LRP1B: variants seen among roughly 807,000 people sequenced by gnomAD.
LRP1B encodes the protein LDL receptor related protein 1B.
A neutral mutation model predicts 556.6 loss-of-function variants in LRP1B; 217 were observed. The observed-to-expected ratio is 0.39, with a 90% confidence interval of 0.35 to 0.44. The LOEUF (loss-of-function observed/expected upper bound fraction) is 0.44, where lower values mean the gene tolerates loss of function less well. Among genes scored for constraint, LRP1B ranks in the 20% least tolerant of loss-of-function variants. The pLI is 1.00. For synonymous variants in LRP1B, 2,047 were observed against 1,865.8 expected (o/e 1.10, Z -2.50); for missense variants, 5,053 against 5,620.8 (o/e 0.90, Z 3.23).
intron 35 of LRP1B, among the ~76,000 whole-genome samples, chr2:140,748,221 A>T (rs1266741049): frequency 1.6e-5 from 1 of 64,238 alleles, no homozygotes; most frequent in Non-Finnish European, 3.3e-5. Flanking sequence ...CTTATATATA[A>T]AAGTCAAATA....
chr2:141,473,039 CTTAG>C (rs5834833), intron 3 of LRP1B, among the ~76,000 whole-genome samples: 66,610 of 151,690 alleles, frequency 0.44, 14,912 homozygotes, highest in Non-Finnish European at 0.49. Context: ...GAGGTATTTA[CTTAG>C]TTAGCTAGCT....
intron 6 of LRP1B, among the ~76,000 whole-genome samples, chr2:141,195,076 C>T (rs1349050543): frequency 2.6e-5 from 4 of 152,080 alleles, no homozygotes; most frequent in African/African-American, 9.7e-5. Context: ...GTGGGCTGTT[C>T]TTTGTTCTTC....
At chr2:140,733,102 TA>T (rs1351411367) in intron 35 of LRP1B, among the ~76,000 whole-genome samples, 1 of 152,124 alleles carries the variant, frequency 6.6e-6, no homozygotes, top group Non-Finnish European at 1.5e-5. Flanking sequence ...GACAGACTAG[TA>T]GATAATTGGA....
intron 77 of LRP1B, among the ~76,000 whole-genome samples, chr2:140,337,980 C>G (rs1195557714): frequency 6.6e-6 from 1 of 151,292 alleles, no homozygotes; most frequent in East Asian, 2.0e-4. Context: ...TTCAAGTAAA[C>G]AGGCTGGTGA....
chr2:140,660,580 C>G (rs1480940694), intron 41 of LRP1B, among the ~76,000 whole-genome samples: 1 of 152,110 alleles, frequency 6.6e-6, no homozygotes, highest in Non-Finnish European at 1.5e-5. Context: ...CTGATCTGGA[C>G]CAGGACTTTC....
chr2:140,750,172 T>C (rs895922414), intron 35 of LRP1B, among the ~76,000 whole-genome samples: 5 of 152,158 alleles, frequency 3.3e-5, no homozygotes, highest in Admixed American at 2.0e-4. Flanking sequence ...AGTCCTTTTT[T>C]CATGTCCATC....
intron 1 of LRP1B, among the ~76,000 whole-genome samples, chr2:141,983,721 T>G (rs544145645): frequency 6.6e-6 from 1 of 152,272 alleles, no homozygotes; most frequent in Non-Finnish European, 1.5e-5. Context: ...TGGGGAAACC[T>G]ATTGAATATA....
intron 59 of LRP1B, among the ~76,000 whole-genome samples, chr2:140,482,542 C>A (rs944895447): frequency 2.0e-5 from 3 of 151,896 alleles, no homozygotes; most frequent in Non-Finnish European, 4.4e-5. Flanking sequence ...CCACACTACA[C>A]AAAATAACAA....
chr2:141,393,291 TATAAAACTC>T (rs1323824230), intron 3 of LRP1B, among the ~76,000 whole-genome samples: 1 of 152,060 alleles, frequency 6.6e-6, no homozygotes, highest in East Asian at 1.9e-4. Flanking sequence ...ATGAGGAGCT[TATAAAACTC>T]TAACAGCACC....
chr2:141,763,663 T>G (rs1433353495), intron 2 of LRP1B, among the ~76,000 whole-genome samples: 2 of 152,192 alleles, frequency 1.3e-5, no homozygotes, highest in Non-Finnish European at 2.9e-5. Flanking sequence ...AGAAAAATAG[T>G]GTTTTTATAA....
intron 2 of LRP1B, among the ~76,000 whole-genome samples, chr2:141,750,014 A>G (rs1694052771): frequency 6.6e-6 from 1 of 152,180 alleles, no homozygotes. Flanking sequence ...GGCAAACTAA[A>G]GACCAGTTTA....
intron 1 of LRP1B, among the ~76,000 whole-genome samples, chr2:141,881,507 G>T (rs1698956834): frequency 6.6e-6 from 1 of 152,018 alleles, no homozygotes; most frequent in Non-Finnish European, 1.5e-5. Flanking sequence ...TGGGGAGTAG[G>T]CATGGAGTTT....
intron 1 of LRP1B, among the ~76,000 whole-genome samples, chr2:141,909,884 A>T (rs1256154193): frequency 6.6e-6 from 1 of 152,002 alleles, no homozygotes; most frequent in Admixed American, 6.6e-5. Flanking sequence ...TAATAAATGG[A>T]TGACTGATTT....
intron 11 of LRP1B, among the ~76,000 whole-genome samples, chr2:141,041,899 A>G (rs1458285643): frequency 1.3e-5 from 2 of 152,074 alleles, no homozygotes; most frequent in Non-Finnish European, 2.9e-5. Context: ...TTTAAAAAGT[A>G]GCATCTTCCT....
chr2:141,982,119 A>G (rs868269688), intron 1 of LRP1B, among the ~76,000 whole-genome samples: 8 of 152,134 alleles, frequency 5.3e-5, no homozygotes, highest in African/African-American at 1.7e-4. Context: ...CCTAATTAAC[A>G]TAGAACCTCT....
chr2:141,589,364 C>T (rs868512861), intron 2 of LRP1B, among the ~76,000 whole-genome samples: 3 of 152,130 alleles, frequency 2.0e-5, no homozygotes, highest in Admixed American at 1.3e-4. Context: ...GCAGTAACAT[C>T]AGGGATTATA....
chr2:141,280,472 T>TTAAG lies in LRP1B; in HGVS notation c.344-25835_344-25832dup, dbSNP rs1381532850. On this transcript the variant is annotated intron_variant, in intron 3 of 90. Coordinates refer to ENST00000389484, the MANE Select transcript of LRP1B (RefSeq NM_018557.3). ...ATTACAAGAAACAACATATAAGCTA[T>TTAAG]TAAGTTGGTGCAAAATAATTGTGGT... Among the ~76,000 whole-genome samples the TTAAG allele has an allele frequency of 2.0e-5, 3 of 152,056 alleles. No individual in the cohort carries two copies. The South Asian group carries it at 6.2e-4, about 31-fold the overall frequency.
rs1274064846 is a variant in LRP1B at position 141,766,918 on chromosome 2, G to A, written c.205+43361C>T. On this transcript the variant is annotated intron_variant, in intron 2 of 90. Coordinates refer to ENST00000389484, the MANE Select transcript of LRP1B (RefSeq NM_018557.3). ...CTATCCCAATTGTTTGAACCTCATA[G>A]AGAGGGGAAGAAAATAAACCCCTCT... Among the ~76,000 whole-genome samples the A allele has an allele frequency of 2.0e-5, 3 of 152,140 alleles. No individual in the cohort carries two copies. The East Asian group carries it at 5.8e-4, about 29-fold the overall frequency.
intron 19 of LRP1B, 118 bp from the exon 20 acceptor site, chr2:140,950,520 G>T: frequency 1.3e-6 from 1 of 782,754 alleles, no homozygotes; most frequent in Non-Finnish European, 2.0e-6. Flanking sequence ...GTCTTGCTCT[G>T]TCACCCAACC....
Sources: allele counts gnomAD v4.1 joint callset (sites outside exome capture counted in the v4.1 genomes callset), GRCh38; gene constraint gnomAD v4.1.1; transcripts MANE v1.5; gene names NCBI Gene and HGNC (gene_info 2026-07-23, HGNC 2026-07-21).